The following ZNF638 variants were observed in gnomAD, a reference collection of about 807,000 sequenced individuals.
ZNF638 encodes the protein zinc finger protein 638, also known as CTCL tumor antigen se33-1.
ZNF638 carries 46 observed loss-of-function variants against 195.6 expected under a neutral mutation model. That is an observed-to-expected ratio of 0.24 (90% CI 0.19 to 0.30). The LOEUF (loss-of-function observed/expected upper bound fraction) is 0.30. Ranked by LOEUF, ZNF638 falls within the 10% of genes least tolerant of loss-of-function variation. ZNF638 has a pLI of 1.00. For missense variants in ZNF638, 2,440 were observed against 2,325.3 expected (o/e 1.05, Z -1.01); for synonymous variants, 845 against 772.0 (o/e 1.09, Z -1.57).
rs1264539967 is a variant in ZNF638, at chr2:71,424,539, CTG to C, written c.4525-109_4525-108del. The C allele has an allele frequency of 5.1e-6, 4 of 786,738 alleles. No individual in the cohort carries two copies. In the East Asian group the frequency reaches 7.8e-5, roughly 15 times the overall value. The allele number at this position is 786,738 out of a possible 1,614,324, so 48.7% of individuals were successfully genotyped here. Reference sequence around the variant, plus strand: ...CATGTTAAATAATTTGCATAATTGACTGTATTTGGGTAATGTTTACTGTTTTT... The same window carrying C: ...CATGTTAAATAATTTGCATAATTGACTATTTGGGTAATGTTTACTGTTTTT... On this transcript the variant is annotated intron_variant, in intron 22 of 27. Transcript: ENST00000264447.
At chr2:71,362,315 G>T (rs1311584295) in intron 3 of ZNF638, among the ~76,000 whole-genome samples, 1 of 152,008 alleles carries the variant, frequency 6.6e-6, no homozygotes, top group Non-Finnish European at 1.5e-5. Flanking sequence ...TATAATTGCG[G>T]CTTCTACATG....
At chr2:71,388,824 A>AT (rs1371502468) in intron 10 of ZNF638, 1 of 732,824 alleles carries the variant, frequency 1.4e-6, no homozygotes. Context: ...GAAACAGTAT[A>AT]TAAAAGTATT....
chr2:71,349,289 C>T lies in ZNF638; in HGVS notation c.335C>T (p.Ala112Val), dbSNP rs2078903961. The T allele has an allele frequency of 1.2e-6, 2 of 1,614,160 alleles. No homozygotes were observed. The highest frequency in any genetic ancestry group is 8.5e-7 in the Non-Finnish European group (1 of 1,180,038). ...TGGGATGATGAGCCTCATATATCTG[C>T]ATCAGTGGCAGTGAAACAGAGTTCT... ...SRWDDEPHIS[A>V]SVAVKQSSVT... The change falls in exon 2 of 28, where the codon GCA becomes GTA. Residue 112 changes from alanine to valine, a missense_variant. By Grantham distance (64) the Ala-to-Val change is moderately conservative (BLOSUM62 0). Around this residue, in one of 5 missense-constraint regions of ZNF638, gnomAD observed 191 missense variants for 173.8 expected, o/e 1.10. Transcript: ENST00000264447.
chr2:71,395,243 C>G (rs1244358545), intron 10 of ZNF638: 1 of 717,236 alleles, frequency 1.4e-6, no homozygotes, highest in East Asian at 2.7e-5. Context: ...TTTACTAATT[C>G]TAGGATGCAA....
In ZNF638 at chr2:71,358,793, G is replaced by A. The variant is rs150063180; in HGVS notation, c.1379+3013G>A. On this transcript the variant is annotated intron_variant, in intron 3 of 27. Transcript: ENST00000264447. ...GGGTCAGTCAGGACTCTTTCCTATCGGTGCCATTTTTCTAACAGCATGTGC... is the reference window on the plus strand; with the variant it reads ...GGGTCAGTCAGGACTCTTTCCTATCAGTGCCATTTTTCTAACAGCATGTGC... Among the ~76,000 whole-genome samples, 454 of 152,096 alleles carry A rather than the reference G, an allele frequency of 3.0e-3. 2 individuals are homozygous for A. The highest frequency in any genetic ancestry group is 0.011 in the African/African-American group (438 of 41,468).
At position 71,423,557 on chromosome 2, in the gene ZNF638, C is replaced by G; in HGVS notation, c.4043C>G (p.Ala1348Gly). The part of the protein sequence containing the change: ...MDAEKVEKMA[A>G]MKEKPAENTL... ...GCAGAAAAGGTGGAAAAGATGGCAGCAATGAAAGAAAAGCCTGCAGAAAAC... is the reference window on the plus strand; with the variant it reads ...GCAGAAAAGGTGGAAAAGATGGCAGGAATGAAAGAAAAGCCTGCAGAAAAC... The change falls in exon 22 of 28, where the codon GCA becomes GGA. Residue 1348 changes from alanine to glycine, a missense_variant. Ala to Gly is a moderately conservative substitution (Grantham distance 60). This residue lies in a region of ZNF638 where 1,883 missense variants were observed against 1,739.1 expected (regional missense o/e 1.08). Coordinates refer to ENST00000264447, the MANE Select transcript of ZNF638 (RefSeq NM_014497.5). 6 of 1,613,854 alleles carry G rather than the reference C, an allele frequency of 3.7e-6. No individual in the cohort carries two copies. Among genetic ancestry groups the G allele is most frequent in the Non-Finnish European group, 5.1e-6 (6 of 1,179,984 alleles).
rs1573176512 is a variant in ZNF638, at chr2:71,428,562, A to G, written c.5561A>G (p.Lys1854Arg). The G allele has an allele frequency of 6.2e-7, 1 of 1,613,748 alleles. No individual in the cohort carries two copies. The highest frequency in any genetic ancestry group is 8.5e-7 in the Non-Finnish European group (1 of 1,179,876). The change falls in exon 25 of 28, where the codon AAG becomes AGG. Residue 1854 changes from lysine (K) to arginine (R), a missense_variant. By Grantham distance (26) the Lys-to-Arg change is conservative. This residue lies in a region of ZNF638 where 1,883 missense variants were observed against 1,739.1 expected (regional missense o/e 1.08). Coordinates refer to ENST00000264447, the MANE Select transcript of ZNF638 (RefSeq NM_014497.5). Reference sequence around the variant, plus strand: ...CTTTTTAAAGCTAAAACTCCAACCAAGAGAGTTAGAATTGGGAAAACTCTG... The same window carrying G: ...CTTTTTAAAGCTAAAACTCCAACCAGGAGAGTTAGAATTGGGAAAACTCTG... ...ERHLTAKTPT[K>R]RVRIGKTLPS...
At chr2:71,353,813 A>G (rs1191704895) in intron 2 of ZNF638, among the ~76,000 whole-genome samples, 3 of 152,228 alleles carry the variant, frequency 2.0e-5, no homozygotes, top group Admixed American at 6.5e-5. Context: ...TTTATGGTTC[A>G]AATAAATCAT....
intron 1 of ZNF638, among the ~76,000 whole-genome samples, chr2:71,343,987 G>A (rs969275896): frequency 2.0e-5 from 3 of 152,116 alleles, no homozygotes; most frequent in Non-Finnish European, 4.4e-5. Context: ...ATAATCAGCC[G>A]GGTGTGGTGG....
chr2:71,374,605 C>A (rs1459782412), intron 8 of ZNF638, among the ~76,000 whole-genome samples: 1 of 152,156 alleles, frequency 6.6e-6, no homozygotes, highest in Non-Finnish European at 1.5e-5. Context: ...AGTATTTTTA[C>A]AACACTAAGT....
At chr2:71,366,782 A>G (rs1436621003) in intron 6 of ZNF638, among the ~76,000 whole-genome samples, 1 of 152,120 alleles carries the variant, frequency 6.6e-6, no homozygotes, top group Non-Finnish European at 1.5e-5. Context: ...TACAGTGTAA[A>G]ATTTATACTT....
At chr2:71,361,378 AGC>A (rs1276342436) in intron 3 of ZNF638, among the ~76,000 whole-genome samples, 5 of 152,258 alleles carry the variant, frequency 3.3e-5, no homozygotes, top group African/African-American at 9.6e-5. Flanking sequence ...CATGTGAGAA[AGC>A]TAAGGCTTAC....
chr2:71,345,338 A>G (rs540294154), intron 1 of ZNF638, among the ~76,000 whole-genome samples: 1 of 152,148 alleles, frequency 6.6e-6, no homozygotes, highest in Non-Finnish European at 1.5e-5. Flanking sequence ...CATAATGCTT[A>G]CTTTTTTTAA....
intron 7 of ZNF638, among the ~76,000 whole-genome samples, chr2:71,368,805 C>T (rs2079252398): frequency 1.3e-5 from 2 of 152,160 alleles, no homozygotes; most frequent in African/African-American, 4.8e-5. Flanking sequence ...CATTCTAGTA[C>T]AAAAACAGCT....
rs2078573680 is a variant in ZNF638, at chr2:71,331,834, T to G, written c.-244T>G. On this transcript the variant is annotated 5_prime_UTR_variant, in exon 1 of 28. Transcript: ENST00000264447. ...ACTGGAGGCTGAGTGCTAAACTGTGTGGGGCGCGGATGGGATCCAGCTGTT... is the reference window on the plus strand; with the variant it reads ...ACTGGAGGCTGAGTGCTAAACTGTGGGGGGCGCGGATGGGATCCAGCTGTT... 2.0e-6 allele frequency: 2 copies of G among 985,970 alleles called. No homozygotes were observed. Among genetic ancestry groups the G allele is most frequent in the Non-Finnish European group, 2.4e-6 (2 of 830,208 alleles). 61.1% of individuals were successfully genotyped at this position (985,970 alleles called of 1,614,324 possible). A position where few individuals can be genotyped will look rare whatever the true frequency, so the allele number is the denominator to read the frequency against.
chr2:71,367,524 C>G (rs6736123), intron 6 of ZNF638, among the ~76,000 whole-genome samples: 47 of 151,606 alleles, frequency 3.1e-4, no homozygotes, highest in African/African-American at 1.1e-3. Flanking sequence ...CCTCCGCCTC[C>G]CAGGTTCAAG....
intron 10 of ZNF638, among the ~76,000 whole-genome samples, chr2:71,394,000 G>A (rs773458838): frequency 1.3e-5 from 2 of 152,128 alleles, no homozygotes; most frequent in South Asian, 2.1e-4. Flanking sequence ...GCCTCAAACC[G>A]GGCAAGGCAA....
chr2:71,400,604 C>G, intron 15 of ZNF638, 86 bp downstream of exon 15: 2 of 1,160,872 alleles, frequency 1.7e-6, no homozygotes, highest in East Asian at 2.6e-5. Flanking sequence ...GTAAAAAATT[C>G]ATGGTATTTG....
intron 1 of ZNF638, among the ~76,000 whole-genome samples, chr2:71,335,333 C>T (rs966775922): frequency 1.3e-5 from 2 of 152,164 alleles, no homozygotes; most frequent in Admixed American, 6.5e-5. Flanking sequence ...TGAGCTATTG[C>T]GCCCAGCCTG....
Sources: allele counts gnomAD v4.1 joint callset (sites outside exome capture counted in the v4.1 genomes callset), GRCh38; gene constraint gnomAD v4.1.1; regional missense constraint gnomAD v4.1.1; transcripts MANE v1.5; gene names NCBI Gene and HGNC (gene_info 2026-07-23, HGNC 2026-07-21).